The following RMP64 variants were observed in gnomAD, a reference collection of about 807,000 sequenced individuals.
RMP64 encodes the protein nucleolus and neural progenitor protein.
the RMP64 span, chr3:113,010,948 ATTTC>A: frequency 1.7e-6 from 2 of 1,148,620 alleles, no homozygotes; most frequent in Non-Finnish European, 2.5e-6. Context: ...GAGATGTTGA[ATTTC>A]TTTCTATGCA....
the RMP64 span, chr3:113,009,414 A>T: frequency 2.4e-4 from 37 of 152,354 alleles, no homozygotes; most frequent in Admixed American, 2.0e-4. Context: ...AAGCTAAGCA[A>T]GTTAGTGCTA....
the RMP64 span, among the ~76,000 whole-genome samples, chr3:113,018,319 C>T: frequency 6.6e-6 from 1 of 152,198 alleles, no homozygotes; most frequent in Admixed American, 6.5e-5. Context: ...TACCTGAAGA[C>T]AGAATGGGCT....
At chr3:113,011,506 A>G in the RMP64 span, 1 of 1,067,912 alleles carries the variant, frequency 9.4e-7, no homozygotes, top group South Asian at 1.6e-5. Flanking sequence ...ATGGCTATCA[A>G]GGTCCTCCAG....
At chr3:113,010,377 A>G in the RMP64 span, 2 of 428,934 alleles carry the variant, frequency 4.7e-6, no homozygotes, top group Non-Finnish European at 8.4e-6. Flanking sequence ...AGTACAATCC[A>G]TACTTAACAA....
At chr3:113,007,171 T>G in the RMP64 span, among the ~76,000 whole-genome samples, 3 of 152,148 alleles carry the variant, frequency 2.0e-5, no homozygotes, top group Non-Finnish European at 4.4e-5. Context: ...GATACATCAC[T>G]TTTAGATTAT....
chr3:113,013,860 T>C, the RMP64 span: 1 of 921,544 alleles, frequency 1.1e-6, no homozygotes, highest in Non-Finnish European at 1.8e-6. Context: ...TTGGTTATAT[T>C]CCAACAGCAA....
chr3:113,008,400 A>G, the RMP64 span: 1 of 1,612,500 alleles, frequency 6.2e-7, no homozygotes, highest in Non-Finnish European at 8.5e-7. Context: ...TTTAGTCTGG[A>G]TTGAGAACAT....
the RMP64 span, chr3:113,003,302 ACTGTGCTCCAGC>A: frequency 6.6e-6 from 1 of 152,142 alleles, no homozygotes; most frequent in African/African-American, 2.4e-5. Flanking sequence ...AGATCATACC[ACTGTGCTCCAGC>A]CTGGGCAACA....
the RMP64 span, chr3:113,005,963 TTG>T: frequency 2.5e-6 from 4 of 1,613,558 alleles, no homozygotes; most frequent in African/African-American, 5.3e-5. Flanking sequence ...AAGAAGGTGG[TTG>T]CAAATAGACG....
chr3:113,010,262 T>C, the RMP64 span, among the ~76,000 whole-genome samples: 1 of 152,070 alleles, frequency 6.6e-6, no homozygotes, highest in Admixed American at 6.5e-5. Context: ...TATTACAAAA[T>C]AGAGGTACGG....
the RMP64 span, among the ~76,000 whole-genome samples, chr3:113,012,033 A>G: frequency 6.6e-6 from 1 of 152,202 alleles, no homozygotes; most frequent in African/African-American, 2.4e-5. Flanking sequence ...AGAACTAATA[A>G]TCTTAATTGT....
At chr3:113,007,338 C>T in the RMP64 span, among the ~76,000 whole-genome samples, 1 of 152,012 alleles carries the variant, frequency 6.6e-6, no homozygotes, top group Non-Finnish European at 1.5e-5. Flanking sequence ...ATATTTTATG[C>T]AAATTTTAAA....
chr3:113,002,643 G>A, the RMP64 span: 3 of 142,152 alleles, frequency 2.1e-5, no homozygotes, highest in Non-Finnish European at 4.6e-5. Context: ...ACTTGCTTAA[G>A]GCCAGGATTT....
At chr3:113,011,389 A>C in the RMP64 span, 1 of 1,592,522 alleles carries the variant, frequency 6.3e-7, no homozygotes, top group South Asian at 1.1e-5. Flanking sequence ...CCTTTTTAAG[A>C]CACCTTTATA....
chr3:113,014,229 C>A, the RMP64 span: 1 of 472,378 alleles, frequency 2.1e-6, no homozygotes, highest in Non-Finnish European at 3.8e-6. Context: ...GGAATTTATC[C>A]AGCCAAACAC....
At chr3:113,016,143 A>C in the RMP64 span, among the ~76,000 whole-genome samples, 3 of 152,190 alleles carry the variant, frequency 2.0e-5, no homozygotes, top group Non-Finnish European at 2.9e-5. Context: ...CGAACTAAGA[A>C]GACTGAAGAG....
the RMP64 span, chr3:113,017,528 C>T: frequency 8.7e-6 from 14 of 1,614,128 alleles, no homozygotes; most frequent in Non-Finnish European, 1.2e-5. Flanking sequence ...ACATCTGTTT[C>T]TGCATCTAAG....
At chr3:113,014,357 ATT>A in the RMP64 span, 404 of 162,958 alleles carry the variant, frequency 2.5e-3, no homozygotes, top group South Asian at 0.012. Context: ...CTAAGACAAG[ATT>A]TTTTTTTTTT....
chr3:113,013,414 A>G, the RMP64 span: 1 of 1,582,266 alleles, frequency 6.3e-7, no homozygotes, highest in African/African-American at 1.4e-5. Context: ...CTTGAAAAAA[A>G]TAGAAAAAGT....
Sources: allele counts gnomAD v4.1 joint callset (sites outside exome capture counted in the v4.1 genomes callset), GRCh38; gene constraint gnomAD v4.1.1; transcripts MANE v1.5; gene names NCBI Gene and HGNC (gene_info 2026-07-23, HGNC 2026-07-21).